Variants in SMPX observed in about 807,000 individuals in gnomAD.
The protein encoded by SMPX is small muscle protein X-linked, also known as small muscular protein.
In SMPX, 2 loss-of-function variants were observed where a neutral mutation model predicts 6.3. The ratio of observed to expected loss-of-function variants is 0.32; its 90% CI spans 0.13 to 0.99. SMPX has a LOEUF of 0.99. Ranked by LOEUF, SMPX falls within the 50% of genes least tolerant of loss-of-function variation. The pLI is 0.49. For missense variants in SMPX, 60 were observed against 66.8 expected, an observed-to-expected ratio of 0.90 and a Z score of 0.36; for synonymous variants, 32 against 24.7, an observed-to-expected ratio of 1.30 and a Z score of -0.88.
chrX:21,737,438 C>T (rs2092811597), intron 4 of SMPX, 111 bp downstream of exon 4: 1 of 702,204 alleles, frequency 1.4e-6, no homozygotes, highest in African/African-American at 2.1e-5. Context: ...AAATTGAAGG[C>T]ACCTGGTATT....
intron 4 of SMPX, among the ~76,000 whole-genome samples, chrX:21,718,874 C>T (rs2092788286): frequency 1.8e-5 from 2 of 111,695 alleles, no homozygotes; most frequent in African/African-American, 6.5e-5. Context: ...CGTTTTTGAA[C>T]GGATTGAAAA....
chrX:21,706,686 A>G (rs1363561726), intron 4 of SMPX, among the ~76,000 whole-genome samples: 2 of 110,984 alleles, frequency 1.8e-5, no homozygotes, highest in Non-Finnish European at 3.8e-5. Context: ...TCCCCATCCA[A>G]AATCTCATCT....
chrX:21,739,098 C>CCCCGCG (rs2092813613), intron 3 of SMPX, among the ~76,000 whole-genome samples: 1 of 109,047 alleles, frequency 9.2e-6, no homozygotes. Context: ...TATGCCCCGC[C>CCCCGCG]TCCACCCCAC....
chrX:21,750,797 T>C (rs2092826687), intron 2 of SMPX, among the ~76,000 whole-genome samples: 1 of 112,135 alleles, frequency 8.9e-6, no homozygotes, highest in African/African-American at 3.2e-5. Context: ...CTTACTCTGG[T>C]GCACAGAGGA....
chrX:21,753,076 T>C (rs1169026262), intron 2 of SMPX, among the ~76,000 whole-genome samples: 1 of 111,546 alleles, frequency 9.0e-6, no homozygotes, highest in African/African-American at 3.3e-5. Flanking sequence ...GAAGACAAAA[T>C]ATAATTCTGC....
At chrX:21,714,043 T>G (rs1041775693) in intron 4 of SMPX, among the ~76,000 whole-genome samples, 11 of 112,036 alleles carry the variant, frequency 9.8e-5, no homozygotes, top group African/African-American at 3.3e-4. Context: ...TCTTAAATAC[T>G]ACTGTATAAA....
intron 2 of SMPX, among the ~76,000 whole-genome samples, chrX:21,754,036 T>C (rs191346318): frequency 6.4e-4 from 72 of 112,697 alleles, no homozygotes; most frequent in African/African-American, 1.9e-3. Context: ...ATAAACTGAT[T>C]GTCTTATAAT....
intron 2 of SMPX, among the ~76,000 whole-genome samples, chrX:21,747,968 G>C (rs1482888954): frequency 8.9e-6 from 1 of 111,996 alleles, no homozygotes; most frequent in Non-Finnish European, 1.9e-5. Context: ...ATTTCTTTCT[G>C]CTCTTTCCTA....
At chrX:21,713,259 A>C (rs1255704912) in intron 4 of SMPX, among the ~76,000 whole-genome samples, 2 of 112,197 alleles carry the variant, frequency 1.8e-5, no homozygotes, top group African/African-American at 6.5e-5. Flanking sequence ...AAATTAGGAA[A>C]TTCAGATCCA....
chrX:21,741,894 T>C (rs926873942), intron 3 of SMPX, among the ~76,000 whole-genome samples: 1 of 112,503 alleles, frequency 8.9e-6, no homozygotes, highest in African/African-American at 3.2e-5. Context: ...TGGCTAATTA[T>C]AAAGTAGGTG....
chrX:21,748,783 A>G, intron 2 of SMPX, among the ~76,000 whole-genome samples: 1 of 112,655 alleles, frequency 8.9e-6, no homozygotes, highest in Non-Finnish European at 1.9e-5. Context: ...ATGAAAGTTA[A>G]TTTTTAATGT....
intron 1 of SMPX, among the ~76,000 whole-genome samples, chrX:21,754,715 AG>A (rs994760043): frequency 1.8e-5 from 2 of 112,411 alleles, no homozygotes; most frequent in African/African-American, 3.2e-5. Context: ...CATAATTGCC[AG>A]GGTTGCTATA....
intron 4 of SMPX, among the ~76,000 whole-genome samples, chrX:21,723,812 G>A (rs191462518): frequency 2.7e-5 from 3 of 112,263 alleles, no homozygotes; most frequent in African/African-American, 9.7e-5. Flanking sequence ...ACACAGGAGA[G>A]AAAACTGAAT....
chrX:21,720,948 A>G (rs1368897481), intron 4 of SMPX, among the ~76,000 whole-genome samples: 1 of 112,802 alleles, frequency 8.9e-6, no homozygotes, highest in Non-Finnish European at 1.9e-5. Flanking sequence ...GGTTCTCCCT[A>G]TAATGAGTCA....
intron 4 of SMPX, among the ~76,000 whole-genome samples, chrX:21,730,451 AACCAGTTCCTATTT>A (rs1232372043): frequency 9.8e-5 from 11 of 112,369 alleles, no homozygotes; most frequent in Admixed American, 9.4e-4. Context: ...AATATATAAG[AACCAGTTCCTATTT>A]ACTGAGTAAT....
At chrX:21,743,713 A>G (rs751697729) in intron 3 of SMPX, 37 bp downstream of exon 3, 2 of 1,122,225 alleles carry the variant, frequency 1.8e-6, no homozygotes, top group East Asian at 6.0e-5. Context: ...TAGAAGGGAA[A>G]AACATTGCTG....
chrX:21,751,611 A>G (rs2092827545), intron 2 of SMPX, among the ~76,000 whole-genome samples: 1 of 112,245 alleles, frequency 8.9e-6, no homozygotes, highest in Non-Finnish European at 1.9e-5. Context: ...CACAGGGATC[A>G]GGGATCAATT....
chrX:21,717,839 G>C (rs2092786952), intron 4 of SMPX, among the ~76,000 whole-genome samples: 1 of 112,325 alleles, frequency 8.9e-6, no homozygotes, highest in Non-Finnish European at 1.9e-5. Flanking sequence ...GTAGGAGTTA[G>C]CCAGATAATG....
At chrX:21,755,107 A>G (rs2092831465) in intron 1 of SMPX, among the ~76,000 whole-genome samples, 1 of 112,869 alleles carries the variant, frequency 8.9e-6, no homozygotes, top group East Asian at 2.8e-4. Context: ...TGACTAGAGC[A>G]CATTAGGGGA....
Sources: gnomAD v4.1 joint callset for allele counts (sites outside exome capture counted in the v4.1 genomes callset) on GRCh38, gnomAD v4.1.1 for gene constraint, MANE v1.5 for transcripts, NCBI Gene and HGNC (gene_info 2026-07-23, HGNC 2026-07-21) for gene names.